Variants in ST6GALNAC3 observed in about 807,000 individuals in gnomAD.
The protein encoded by ST6GALNAC3 is alpha-N-acetylgalactosaminide alpha-2,6-sialyltransferase 3.
A neutral mutation model predicts 32.7 loss-of-function variants in ST6GALNAC3; 25 were observed. The observed-to-expected ratio is 0.76, with a 90% CI of 0.56 to 1.07. The LOEUF (loss-of-function observed/expected upper bound fraction) is 1.07, where lower values mean the gene tolerates loss of function less well. Among genes scored for constraint, ST6GALNAC3 ranks in the 50% least tolerant of loss-of-function variants. The pLI is 0.00. For synonymous variants in ST6GALNAC3, 129 were observed against 133.1 expected, an observed-to-expected ratio of 0.97 and a Z score of 0.21; for missense variants, 355 against 382.4, an observed-to-expected ratio of 0.93 and a Z score of 0.60.
chr1:76,085,720 C>T (rs1428371873), intron 1 of ST6GALNAC3, among the ~76,000 whole-genome samples: 5 of 152,162 alleles, frequency 3.3e-5, no homozygotes, highest in Non-Finnish European at 5.9e-5. Flanking sequence ...CCAGGTGATA[C>T]TAGCACTGCA....
intron 1 of ST6GALNAC3, among the ~76,000 whole-genome samples, chr1:76,148,418 T>G (rs1020936551): frequency 4.6e-5 from 7 of 152,212 alleles, no homozygotes; most frequent in Non-Finnish European, 8.8e-5. Flanking sequence ...CATGTTCACA[T>G]TTCATCTACA....
intron 3 of ST6GALNAC3, among the ~76,000 whole-genome samples, chr1:76,531,507 G>A (rs535626199): frequency 2.4e-4 from 36 of 152,286 alleles, no homozygotes; most frequent in South Asian, 2.1e-3. Context: ...AAGCTGCCAC[G>A]TCAGTTTTCT....
intron 2 of ST6GALNAC3, among the ~76,000 whole-genome samples, chr1:76,361,955 G>A (rs1649977767): frequency 7.0e-6 from 1 of 141,870 alleles, no homozygotes; most frequent in African/African-American, 2.8e-5. Context: ...TCCAGCCTGG[G>A]CAACAGAGTG....
chr1:76,140,629 C>CT (rs55680590), intron 1 of ST6GALNAC3, among the ~76,000 whole-genome samples: 42 of 119,248 alleles, frequency 3.5e-4, no homozygotes, highest in African/African-American at 1.1e-3. Context: ...TTCTTTCTTT[C>CT]TTTTTTTTTT....
intron 1 of ST6GALNAC3, among the ~76,000 whole-genome samples, chr1:76,120,428 G>T (rs1021398933): frequency 1.3e-5 from 2 of 152,164 alleles, no homozygotes; most frequent in Non-Finnish European, 1.5e-5. Context: ...GACTCCTATT[G>T]CCTTTGGGTG....
intron 1 of ST6GALNAC3, among the ~76,000 whole-genome samples, chr1:76,160,029 T>C (rs965795175): frequency 1.3e-5 from 2 of 152,098 alleles, no homozygotes; most frequent in African/African-American, 4.8e-5. Context: ...AATGCATAGC[T>C]CTTTGTAGGA....
chr1:76,333,939 A>C (rs1647274429), intron 2 of ST6GALNAC3, among the ~76,000 whole-genome samples: 1 of 152,146 alleles, frequency 6.6e-6, no homozygotes, highest in Non-Finnish European at 1.5e-5. Flanking sequence ...AAGATTAATT[A>C]ATTTTCCAAG....
At chr1:76,520,455 A>T (rs1662451035) in intron 3 of ST6GALNAC3, among the ~76,000 whole-genome samples, 1 of 152,086 alleles carries the variant, frequency 6.6e-6, no homozygotes, top group South Asian at 2.1e-4. Context: ...GGCATAGTAT[A>T]CACACACATA....
Position 76,571,994 on chromosome 1 carries a change from T to C in ST6GALNAC3, c.624-55458T>C, listed in dbSNP as rs536133291. Among the ~76,000 whole-genome samples, 4 of 152,240 alleles carry C rather than the reference T, an allele frequency of 2.6e-5. No homozygotes were observed. The East Asian group carries it at 7.7e-4, about 29-fold the overall frequency. On this transcript the variant is annotated intron_variant, in intron 3 of 4. Transcript: ENST00000328299. ...ATCATGATAACATCACTTTGTATCT[T>C]CTAGCTTTCTCTGATGTTAGGCATT...
intron 3 of ST6GALNAC3, among the ~76,000 whole-genome samples, chr1:76,434,715 T>C (rs1031019415): frequency 2.0e-5 from 3 of 151,928 alleles, no homozygotes; most frequent in Non-Finnish European, 4.4e-5. Context: ...AATTAGCTGA[T>C]ATTTGTATGC....
chr1:76,561,369 G>A (rs1236309066), intron 3 of ST6GALNAC3, among the ~76,000 whole-genome samples: 1 of 152,014 alleles, frequency 6.6e-6, no homozygotes, highest in Non-Finnish European at 1.5e-5. Flanking sequence ...CTCACAGAAT[G>A]GGAGAATATA....
chr1:76,580,047 T>A (rs1646869979), intron 3 of ST6GALNAC3, among the ~76,000 whole-genome samples: 1 of 152,186 alleles, frequency 6.6e-6, no homozygotes, highest in East Asian at 1.9e-4. Flanking sequence ...GTAGTACAAC[T>A]AGTGTAGCCA....
chr1:76,413,703 G>C (rs910463315), intron 3 of ST6GALNAC3, among the ~76,000 whole-genome samples: 1 of 152,116 alleles, frequency 6.6e-6, no homozygotes, highest in African/African-American at 2.4e-5. Flanking sequence ...GTATGAGTTA[G>C]CAAGAAGAAT....
intron 1 of ST6GALNAC3, among the ~76,000 whole-genome samples, chr1:76,156,544 G>A (rs1557660018): frequency 8.7e-6 from 1 of 115,452 alleles, no homozygotes; most frequent in Non-Finnish European, 2.2e-5. Context: ...GATTTTGTTT[G>A]GTTTTTTTTT....
At chr1:76,437,735 G>A (rs1041390807) in intron 3 of ST6GALNAC3, among the ~76,000 whole-genome samples, 1 of 151,306 alleles carries the variant, frequency 6.6e-6, no homozygotes, top group Non-Finnish European at 1.5e-5. Context: ...GCACCACTAC[G>A]CCCAGCTAAT....
intron 1 of ST6GALNAC3, among the ~76,000 whole-genome samples, chr1:76,115,794 G>T (rs1305194012): frequency 6.6e-6 from 1 of 152,094 alleles, no homozygotes. Context: ...AGAATATGAG[G>T]TGTGAAAAAT....
intron 2 of ST6GALNAC3, among the ~76,000 whole-genome samples, chr1:76,372,432 T>G (rs1471202831): frequency 6.6e-6 from 1 of 152,082 alleles, no homozygotes; most frequent in African/African-American, 2.4e-5. Context: ...TTTGGGGGTT[T>G]TCATGAAAAA....
chr1:76,319,057 C>G (rs1646919872), intron 2 of ST6GALNAC3, among the ~76,000 whole-genome samples: 1 of 152,150 alleles, frequency 6.6e-6, no homozygotes, highest in Non-Finnish European at 1.5e-5. Flanking sequence ...GCATTTACTG[C>G]TAGATGAAAG....
At chr1:76,328,947 T>A in intron 2 of ST6GALNAC3, among the ~76,000 whole-genome samples, 1 of 152,164 alleles carries the variant, frequency 6.6e-6, no homozygotes, top group East Asian at 1.9e-4. Context: ...TTTTTTATTT[T>A]TTTAGGGCAT....
Sources: allele counts gnomAD v4.1 joint callset (sites outside exome capture counted in the v4.1 genomes callset), GRCh38; gene constraint gnomAD v4.1.1; transcripts MANE v1.5; gene names NCBI Gene and HGNC (gene_info 2026-07-23, HGNC 2026-07-21).